Variants in CUX2 observed in about 807,000 individuals in gnomAD.
CUX2 encodes the protein cut like homeobox 2, also known as homeobox protein cut-like 2.
In CUX2, 40 loss-of-function variants were observed where a neutral mutation model predicts 144.8. The observed-to-expected ratio is 0.28, with a 90% CI of 0.21 to 0.36. The LOEUF is 0.36. CUX2 is among the 10% of genes least tolerant of loss of function. The pLI is 1.00. For synonymous variants in CUX2, 827 were observed against 875.6 expected, an observed-to-expected ratio of 0.94 and a Z score of 0.98; for missense variants, 1,615 against 1,994.0, an observed-to-expected ratio of 0.81 and a Z score of 3.62.
intron 1 of CUX2, among the ~76,000 whole-genome samples, chr12:111,040,090 C>G (rs915555594): frequency 5.3e-5 from 8 of 151,168 alleles, no homozygotes; most frequent in Middle Eastern, 3.2e-3. Context: ...AGTTTGAGAC[C>G]AGCCTGGGCA....
chr12:111,071,950 C>G (rs1046353412), intron 1 of CUX2, among the ~76,000 whole-genome samples: 3 of 152,190 alleles, frequency 2.0e-5, no homozygotes, highest in African/African-American at 7.2e-5. Flanking sequence ...TTTCTGGGCT[C>G]TCTGTCCTGT....
chr12:111,088,351 C>T (rs920172771), intron 1 of CUX2, among the ~76,000 whole-genome samples: 1 of 152,106 alleles, frequency 6.6e-6, no homozygotes, highest in Admixed American at 6.5e-5. Flanking sequence ...CTCAGCCTCC[C>T]GAAGCACTAG....
rs1886639651 is a variant in CUX2 at position 111,307,316 on chromosome 12, T to C, written c.1109+59T>C. The C allele has an allele frequency of 2.0e-6, 3 of 1,505,434 alleles. No individual in the cohort carries two copies. In the Admixed American group the frequency reaches 5.3e-5, roughly 26 times the overall value. The allele number at this position is 1,505,434 out of a possible 1,614,324, so 93.3% of individuals were successfully genotyped here. On this transcript the variant is annotated intron_variant, in intron 12 of 21. Transcript: ENST00000261726. The surrounding 1 kb of genome is among the most constrained non-coding windows in gnomAD (Gnocchi z 4.1). Reference sequence around the variant, plus strand: ...GTGCTCTTCCCTGGCCAGGAGCTCTTGGCAAAGTTCATCATCTTCCTCCCT... The same window carrying C: ...GTGCTCTTCCCTGGCCAGGAGCTCTCGGCAAAGTTCATCATCTTCCTCCCT...
At chr12:111,038,691 T>C (rs542889250) in intron 1 of CUX2, among the ~76,000 whole-genome samples, 1 of 152,242 alleles carries the variant, frequency 6.6e-6, no homozygotes, top group Non-Finnish European at 1.5e-5. Flanking sequence ...TGACAGAGAT[T>C]GCTTCTCAAA....
At chr12:111,050,022 C>A (rs181307012) in intron 1 of CUX2, among the ~76,000 whole-genome samples, 1 of 152,218 alleles carries the variant, frequency 6.6e-6, no homozygotes, top group East Asian at 1.9e-4. Flanking sequence ...GAAACTGAGG[C>A]AAAAGGGTAT....
intron 1 of CUX2, among the ~76,000 whole-genome samples, chr12:111,130,294 C>A (rs1457040566): frequency 6.6e-6 from 1 of 152,088 alleles, no homozygotes; most frequent in African/African-American, 2.4e-5. Context: ...ACTTTTGATC[C>A]CTTGATCTAG....
intron 1 of CUX2, among the ~76,000 whole-genome samples, chr12:111,100,770 T>C (rs1873177055): frequency 6.6e-6 from 1 of 152,220 alleles, no homozygotes; most frequent in South Asian, 2.1e-4. Flanking sequence ...GCAGTGCTCA[T>C]GTGCTGGAGC....
intron 1 of CUX2, among the ~76,000 whole-genome samples, chr12:111,191,287 T>G (rs890720965): frequency 5.3e-5 from 8 of 151,166 alleles, no homozygotes; most frequent in Admixed American, 2.6e-4. Flanking sequence ...TCTACCACTA[T>G]TATTGTTCTT....
chr12:111,040,348 T>C (rs1869679790), intron 1 of CUX2, among the ~76,000 whole-genome samples: 2 of 151,968 alleles, frequency 1.3e-5, no homozygotes, highest in South Asian at 2.1e-4. Flanking sequence ...AAATTTTTTT[T>C]CCCTGACAGA....
Position 111,083,131 on chromosome 12 carries a change from G to A in CUX2, c.63+48891G>A, listed in dbSNP as rs530433618. 1.2e-4 allele frequency among the ~76,000 whole-genome samples: 19 copies of A among 152,264 alleles called. No homozygotes were observed. In the East Asian group the frequency reaches 3.7e-3, roughly 29 times the overall value. ...GTTGTACCAACCAAAAATGTCTCCAGATACTGCTGACTGTCCATTGGGGGT... is the reference window on the plus strand; with the variant it reads ...GTTGTACCAACCAAAAATGTCTCCAAATACTGCTGACTGTCCATTGGGGGT... On this transcript the variant is annotated intron_variant, in intron 1 of 21. Transcript: ENST00000261726.
Position 111,322,192 on chromosome 12 carries a change from G to C in CUX2, c.2767-229G>C, listed in dbSNP as rs941732130. ...AATTAGCCAGACGTGCACCAGCCTG[G>C]TACAAGTCCCAACTACTAAGGAGGC... On this transcript the variant is annotated intron_variant, in intron 17 of 21. Transcript: ENST00000261726. This position sits in a 1 kb window ranked among gnomAD's most constrained non-coding sequence, Gnocchi z 4.2. 5.3e-5 allele frequency among the ~76,000 whole-genome samples: 8 copies of C among 152,004 alleles called. No homozygotes were observed. Among genetic ancestry groups the C allele is most frequent in the African/African-American group, 1.9e-4 (8 of 41,466 alleles).
chr12:111,171,105 T>G lies in CUX2; in HGVS notation c.64-43095T>G, dbSNP rs1878493453. 6.6e-6 allele frequency among the ~76,000 whole-genome samples: 1 copy of G among 152,122 alleles called. No individual in the cohort carries two copies. Among genetic ancestry groups the G allele is most frequent in the Non-Finnish European group, 1.5e-5 (1 of 68,010 alleles). ...TGGCATCCAAGGAGAGAATAGGTGCTGGTAACACCTGGAGTCATCCCAGCA... is the reference window on the plus strand; with the variant it reads ...TGGCATCCAAGGAGAGAATAGGTGCGGGTAACACCTGGAGTCATCCCAGCA... On this transcript the variant is annotated intron_variant, in intron 1 of 21. Coordinates refer to ENST00000261726, the MANE Select transcript of CUX2 (RefSeq NM_015267.4). The surrounding 1 kb of genome is among the most constrained non-coding windows in gnomAD (Gnocchi z 5.0).
chr12:111,322,647 C>T lies in CUX2; in HGVS notation c.2926+67C>T. 1 of 1,555,174 alleles carries T rather than the reference C, an allele frequency of 6.4e-7. No homozygotes were observed. The highest frequency in any genetic ancestry group is 1.3e-5 in the African/African-American group (1 of 74,360). ...TCCCACCTGCGCAGTGGCATGTCCG[C>T]CTGGCTTTACTGCCCGAGTCTACCT... is the stretch of plus-strand genomic sequence containing the variant. On this transcript the variant is annotated intron_variant, in intron 18 of 21. Coordinates refer to ENST00000261726, the MANE Select transcript of CUX2 (RefSeq NM_015267.4). The surrounding 1 kb of genome is among the most constrained non-coding windows in gnomAD (Gnocchi z 4.2).
chr12:111,279,959 CG>C (rs1481551837), intron 4 of CUX2, among the ~76,000 whole-genome samples: 1 of 145,690 alleles, frequency 6.9e-6, no homozygotes, highest in Non-Finnish European at 1.5e-5. Context: ...TCCAGCCTGG[CG>C]AAAGAGCGAG....
chr12:111,034,229 C>T lies in CUX2; in HGVS notation c.52C>T (p.Arg18Trp), dbSNP rs576939929. Residue 18 changes from arginine to tryptophan, a missense_variant, in exon 1 of 22, where the codon CGG (arginine) becomes TGG (tryptophan). Physicochemically the swap from Arg to Trp is moderately radical, Grantham distance 101 (BLOSUM62 -3). Around this residue, in one of 12 missense-constraint regions of CUX2, gnomAD observed 64 missense variants for 64.9 expected, o/e 0.99. Coordinates refer to ENST00000261726, the MANE Select transcript of CUX2 (RefSeq NM_015267.4). This position sits in a 1 kb window ranked among gnomAD's most constrained non-coding sequence, Gnocchi z 4.2. Reference sequence around the variant, plus strand: ...TCAATATTGGAAGCGATTTGATCTACGGCGACTCCAGGTTAGTGCGGGCAG... The same window carrying T: ...TCAATATTGGAAGCGATTTGATCTATGGCGACTCCAGGTTAGTGCGGGCAG... ...MFQYWKRFDL[R>W]RLQKELNSVA... 2.9e-6 allele frequency: 4 copies of T among 1,396,740 alleles called. No homozygotes were observed. In the African/African-American group the frequency reaches 4.5e-5, roughly 16 times the overall value. The allele number at this position is 1,396,740 out of a possible 1,614,324, so 86.5% of individuals were successfully genotyped here.
chr12:111,183,857 G>A (rs1449745411), intron 1 of CUX2, among the ~76,000 whole-genome samples: 6 of 152,194 alleles, frequency 3.9e-5, no homozygotes, highest in Non-Finnish European at 8.8e-5. Context: ...TTTAGCTCAA[G>A]GAGAATTCCA....
At position 111,034,712 on chromosome 12, in the gene CUX2, GGGAGGAGGAGGAGGAGAGGAGGA is replaced by G. The variant is rs1869332126; in HGVS notation, c.63+483_63+505del. Among the ~76,000 whole-genome samples, 1 of 151,464 alleles carries G rather than the reference GGGAGGAGGAGGAGGAGAGGAGGA, an allele frequency of 6.6e-6. No homozygotes were observed. Among genetic ancestry groups the G allele is most frequent in the African/African-American group, 2.4e-5 (1 of 41,374 alleles). ...GAGGGAGGGAGGGAGCTGGCGGGCA[GGGAGGAGGAGGAGGAGAGGAGGA>G]GGAGGAGGAGAGAGGAGGAGGGAGC... is the stretch of plus-strand genomic sequence containing the variant. On this transcript the variant is annotated intron_variant, in intron 1 of 21. Transcript: ENST00000261726. This position sits in a 1 kb window ranked among gnomAD's most constrained non-coding sequence, Gnocchi z 4.2.
intron 1 of CUX2, among the ~76,000 whole-genome samples, chr12:111,169,914 A>G (rs887056494): frequency 6.6e-6 from 1 of 152,096 alleles, no homozygotes; most frequent in Non-Finnish European, 1.5e-5. Flanking sequence ...GGGAATGACT[A>G]TGGGCCATAT....
chr12:111,319,093 C>G (rs949136919), intron 16 of CUX2, among the ~76,000 whole-genome samples: 4 of 152,028 alleles, frequency 2.6e-5, no homozygotes, highest in Admixed American at 1.3e-4. Context: ...GAGGGCAGAT[C>G]ACTTGAGCCC....
Sources: gnomAD v4.1 joint callset for allele counts (sites outside exome capture counted in the v4.1 genomes callset) on GRCh38, gnomAD v4.1.1 for gene constraint, gnomAD v4.1.1 regional missense constraint, Gnocchi (gnomAD v3.1) non-coding constraint, MANE v1.5 for transcripts, NCBI Gene and HGNC (gene_info 2026-07-23, HGNC 2026-07-21) for gene names.